TMEM108: variants seen among roughly 807,000 people sequenced by gnomAD.
TMEM108 encodes the protein transmembrane protein 108.
TMEM108 carries 12 observed loss-of-function variants against 35.1 expected under a neutral mutation model. The ratio of observed to expected loss-of-function variants is 0.34; its 90% CI spans 0.22 to 0.55. The LOEUF is 0.55. Ranked by LOEUF, TMEM108 falls within the 20% of genes least tolerant of loss-of-function variation. TMEM108 has a pLI of 0.89. For missense variants in TMEM108, 680 were observed against 753.3 expected (o/e 0.90, Z 1.14); for synonymous variants, 287 against 308.6 (o/e 0.93, Z 0.73).
intron 3 of TMEM108, among the ~76,000 whole-genome samples, chr3:133,357,678 G>C (rs1485442873): frequency 6.6e-6 from 1 of 152,182 alleles, no homozygotes; most frequent in African/African-American, 2.4e-5. Flanking sequence ...ACTTAGGAAT[G>C]CAAAACCAAA....
At chr3:133,078,866 A>G (rs778924854) in intron 2 of TMEM108, among the ~76,000 whole-genome samples, 2 of 152,344 alleles carry the variant, frequency 1.3e-5, no homozygotes, top group Admixed American at 1.3e-4. Flanking sequence ...TCATTTTCAA[A>G]TCATTTATCC....
At chr3:133,225,744 A>G (rs1394801777) in intron 2 of TMEM108, among the ~76,000 whole-genome samples, 2 of 152,210 alleles carry the variant, frequency 1.3e-5, no homozygotes, top group African/African-American at 4.8e-5. Context: ...GAGTAATAAT[A>G]TAGAACTCAC....
Position 133,380,891 on chromosome 3 carries a change from G to C in TMEM108, c.1180G>C (p.Glu394Gln). The change falls in exon 4 of 6, where the codon GAA (glutamate) becomes CAA (glutamine). Residue 394 changes from glutamate (E) to glutamine (Q), a missense_variant. Glu to Gln is a conservative substitution (Grantham distance 29). Transcript: ENST00000321871. This position sits in a 1 kb window ranked among gnomAD's most constrained non-coding sequence, Gnocchi z 5.3. ...QAPTHPSRVSESTISGAKEET... is the reference protein window; with the variant it reads ...QAPTHPSRVSQSTISGAKEET... Reference sequence around the variant, plus strand: ...TCCAACCCATCCCTCCAGGGTCTCAGAAAGCACTATTTCTGGAGCCAAGGA... The same window carrying C: ...TCCAACCCATCCCTCCAGGGTCTCACAAAGCACTATTTCTGGAGCCAAGGA... The C allele has an allele frequency of 6.2e-7, 1 of 1,614,186 alleles. No individual in the cohort carries two copies. Among genetic ancestry groups the C allele is most frequent in the Non-Finnish European group, 8.5e-7 (1 of 1,180,028 alleles).
At chr3:133,292,098 G>T (rs1947077763) in intron 3 of TMEM108, among the ~76,000 whole-genome samples, 1 of 152,162 alleles carries the variant, frequency 6.6e-6, no homozygotes, top group Non-Finnish European at 1.5e-5. Flanking sequence ...GATTCTGTTA[G>T]AAAACACTTT....
At chr3:133,260,968 G>T (rs966207360) in intron 3 of TMEM108, among the ~76,000 whole-genome samples, 2 of 152,182 alleles carry the variant, frequency 1.3e-5, no homozygotes, top group African/African-American at 2.4e-5. Context: ...AGTAAAAGAT[G>T]TCCTAACCAG....
intron 3 of TMEM108, among the ~76,000 whole-genome samples, chr3:133,234,473 C>T: frequency 6.6e-6 from 1 of 152,204 alleles, no homozygotes; most frequent in South Asian, 2.1e-4. Context: ...TGTAATCCAG[C>T]ATATAAACAG....
intron 3 of TMEM108, among the ~76,000 whole-genome samples, chr3:133,290,165 G>A (rs1011582812): frequency 6.6e-6 from 1 of 152,168 alleles, no homozygotes; most frequent in African/African-American, 2.4e-5. Flanking sequence ...AAATGTGGAG[G>A]GCAGGGAGGA....
intron 2 of TMEM108, among the ~76,000 whole-genome samples, chr3:133,060,187 T>G (rs1436591967): frequency 6.6e-6 from 1 of 152,184 alleles, no homozygotes; most frequent in African/African-American, 2.4e-5. Context: ...TAAGCAAGTA[T>G]TTAAAAGTCT....
chr3:133,389,903 AAC>A (rs1217536122), intron 4 of TMEM108, among the ~76,000 whole-genome samples: 1 of 138,166 alleles, frequency 7.2e-6, no homozygotes, highest in Non-Finnish European at 1.6e-5. Flanking sequence ...TATAACTATT[AAC>A]ACAGGATTTT....
chr3:133,288,673 T>C (rs1017021322), intron 3 of TMEM108, among the ~76,000 whole-genome samples: 1 of 152,228 alleles, frequency 6.6e-6, no homozygotes, highest in Non-Finnish European at 1.5e-5. Context: ...CCTAACACTT[T>C]AGGATGCTCA....
chr3:133,380,641 A>T lies in TMEM108; in HGVS notation c.930A>T (p.Pro310=), dbSNP rs2072983808. The change falls in exon 4 of 6, where the codon CCA becomes CCT. Residue 310 remains proline, a synonymous_variant. Transcript: ENST00000321871. The surrounding 1 kb of genome is among the most constrained non-coding windows in gnomAD (Gnocchi z 5.3). ...ATAASGAPVS[P]QAAPVPSQRP... ...CAGCCTCAGGTGCCCCTGTCAGTCC[A>T]CAAGCTGCCCCAGTGCCTTCTCAGC... is the stretch of plus-strand genomic sequence containing the variant. 1 of 1,613,738 alleles carries T rather than the reference A, an allele frequency of 6.2e-7. No homozygotes were observed. Among genetic ancestry groups the T allele is most frequent in the Non-Finnish European group, 8.5e-7 (1 of 1,179,936 alleles).
chr3:133,111,431 A>T (rs1944222457), intron 2 of TMEM108, among the ~76,000 whole-genome samples: 1 of 152,076 alleles, frequency 6.6e-6, no homozygotes, highest in East Asian at 1.9e-4. Flanking sequence ...CTTTCTTCTC[A>T]TCATGAGTCT....
rs145039750 is a variant in TMEM108 at position 133,286,202 on chromosome 3, A to G, written c.40+56851A>G. ...AATAAACTCCTTCTATAGTATCTCA[A>G]TGGGATGATGTAAAGTGATAAAACT... is the stretch of plus-strand genomic sequence containing the variant. On this transcript the variant is annotated intron_variant, in intron 3 of 5. Transcript: ENST00000321871. Among the ~76,000 whole-genome samples the G allele has an allele frequency of 4.3e-3, 648 of 152,322 alleles. 2 individuals are homozygous for G. The highest frequency in any genetic ancestry group is 0.014 in the African/African-American group (601 of 41,572).
chr3:133,355,402 A>C (rs2072133256), intron 3 of TMEM108, among the ~76,000 whole-genome samples: 1 of 152,056 alleles, frequency 6.6e-6, no homozygotes, highest in South Asian at 2.1e-4. Context: ...GTGATGGGTG[A>C]ATATTGGTTG....
rs192108322 is a variant in TMEM108, at chr3:133,073,622, G to A, written c.-47+27602G>A. Among the ~76,000 whole-genome samples the A allele has an allele frequency of 1.4e-4, 21 of 150,284 alleles. No individual in the cohort carries two copies. In the East Asian group the frequency reaches 3.9e-3, roughly 28 times the overall value. On this transcript the variant is annotated intron_variant, in intron 2 of 5. Transcript: ENST00000321871. The stretch of plus-strand genomic sequence containing the variant: ...TTGTGAATAATGGTGCAATGAGTAT[G>A]GGAGTGCAGATATCTCTTCTACATA...
rs902750960 is a variant in TMEM108 at position 133,172,511 on chromosome 3, A to G, written c.-46-56755A>G. On this transcript the variant is annotated intron_variant, in intron 2 of 5. Coordinates refer to ENST00000321871, the MANE Select transcript of TMEM108 (RefSeq NM_023943.4). ...AAATTACTTTCATTATGGTTTTGCT[A>G]TGCACATCTTGTGTTAAGTAAAGAA... Among the ~76,000 whole-genome samples, 117 of 152,314 alleles carry G rather than the reference A, an allele frequency of 7.7e-4. 1 individual carries two copies. The highest frequency in any genetic ancestry group is 2.6e-3 in the African/African-American group (109 of 41,566).
At chr3:133,115,022 T>C (rs1386221565) in intron 2 of TMEM108, among the ~76,000 whole-genome samples, 1 of 152,064 alleles carries the variant, frequency 6.6e-6, no homozygotes, top group Non-Finnish European at 1.5e-5. Context: ...CATCCTGAAA[T>C]CAACAAACAA....
chr3:133,303,055 T>C (rs549730421), intron 3 of TMEM108: 4 of 152,278 alleles, frequency 2.6e-5, no homozygotes, highest in Admixed American at 6.5e-5. Flanking sequence ...GGAAATATGA[T>C]AAGAACCAAA....
chr3:133,166,945 T>G (rs1945048783), intron 2 of TMEM108, among the ~76,000 whole-genome samples: 2 of 152,162 alleles, frequency 1.3e-5, no homozygotes, highest in African/African-American at 4.8e-5. Context: ...AGCTGATTGG[T>G]CCGTTTGGAC....
Sources: gnomAD v4.1 joint callset for allele counts (sites outside exome capture counted in the v4.1 genomes callset) on GRCh38, gnomAD v4.1.1 for gene constraint, Gnocchi (gnomAD v3.1) non-coding constraint, MANE v1.5 for transcripts, NCBI Gene and HGNC (gene_info 2026-07-23, HGNC 2026-07-21) for gene names.